Variants in PCDH15 observed in about 807,000 individuals in gnomAD.
The protein encoded by PCDH15 is protocadherin-15.
Under a neutral mutation model 178.5 loss-of-function variants are expected in PCDH15, and 129 were observed. That is an observed-to-expected ratio of 0.72 (90% CI 0.63 to 0.84). The LOEUF (loss-of-function observed/expected upper bound fraction) is 0.84, where lower values mean the gene tolerates loss of function less well. PCDH15 is among the 40% of genes least tolerant of loss of function. PCDH15 has a pLI of 0.00. For missense variants in PCDH15, 2,230 were observed against 2,099.9 expected (o/e 1.06, Z -1.21); for synonymous variants, 800 against 732.0 (o/e 1.09, Z -1.50).
At chr10:54,216,751 A>C (rs1394510192) in intron 9 of PCDH15, among the ~76,000 whole-genome samples, 1 of 152,170 alleles carries the variant, frequency 6.6e-6, no homozygotes, top group Non-Finnish European at 1.5e-5. Context: ...CTACCAAAAT[A>C]ATATTAATGT....
intron 2 of PCDH15, among the ~76,000 whole-genome samples, chr10:54,547,652 C>T (rs1338983848): frequency 2.6e-5 from 4 of 152,028 alleles, no homozygotes; most frequent in African/African-American, 9.7e-5. Context: ...CATTATATAA[C>T]TGGATCACAC....
At chr10:54,713,642 A>G (rs2095447882) in intron 1 of PCDH15, among the ~76,000 whole-genome samples, 1 of 152,112 alleles carries the variant, frequency 6.6e-6, no homozygotes, top group South Asian at 2.1e-4. Context: ...ATATGTCTAA[A>G]ATCTTCATGA....
intron 2 of PCDH15, among the ~76,000 whole-genome samples, chr10:54,530,884 AGT>A (rs1281234440): frequency 6.6e-6 from 1 of 152,216 alleles, no homozygotes; most frequent in Non-Finnish European, 1.5e-5. Context: ...TTCATAACAA[AGT>A]GTTTGTTTTT....
intron 2 of PCDH15, among the ~76,000 whole-genome samples, chr10:54,604,103 A>G (rs1442500826): frequency 6.6e-6 from 1 of 151,898 alleles, no homozygotes; most frequent in East Asian, 1.9e-4. Context: ...TTTCTTTACC[A>G]TTAACTGATT....
chr10:54,183,964 A>C (rs2048250293), intron 12 of PCDH15, among the ~76,000 whole-genome samples: 1 of 152,180 alleles, frequency 6.6e-6, no homozygotes, highest in African/African-American at 2.4e-5. Flanking sequence ...TTTTGTATAC[A>C]ATAGTTCCTT....
chr10:55,007,348 A>G (rs1839955459), intron 2 of PCDH15, among the ~76,000 whole-genome samples: 1 of 151,190 alleles, frequency 6.6e-6, no homozygotes, highest in African/African-American at 2.4e-5. Flanking sequence ...TCAAAGAGAA[A>G]ACATACTTTC....
chr10:55,190,915 C>T (rs1343143192), intron 1 of PCDH15, among the ~76,000 whole-genome samples: 1 of 151,290 alleles, frequency 6.6e-6, no homozygotes, highest in Non-Finnish European at 1.5e-5. Flanking sequence ...TTTTTTTTGA[C>T]ATTAACAGAA....
chr10:54,109,573 A>T (rs1717883683), intron 15 of PCDH15, among the ~76,000 whole-genome samples: 1 of 152,210 alleles, frequency 6.6e-6, no homozygotes, highest in African/African-American at 2.4e-5. Flanking sequence ...AAATTAAGGG[A>T]AATAAGCCAG....
At chr10:55,434,080 T>TTTC (rs1589023698) in intron 2 of PCDH15, among the ~76,000 whole-genome samples, 7 of 125,866 alleles carry the variant, frequency 5.6e-5, no homozygotes, top group African/African-American at 1.0e-4. Context: ...TTCTTTTCTT[T>TTTC]TTTTTTTTTT....
At chr10:54,260,217 G>A (rs911252773) in intron 8 of PCDH15, among the ~76,000 whole-genome samples, 4 of 152,010 alleles carry the variant, frequency 2.6e-5, no homozygotes, top group Non-Finnish European at 5.9e-5. Flanking sequence ...TTTGTCACGA[G>A]TTTTATTAGA....
chr10:54,204,561 C>T lies in PCDH15; in HGVS notation c.1099-8672G>A, dbSNP rs192203279. ...GAAAATTCATCAAGATATACACTTT[C>T]CTGTATGTCAGCAGCATGTCAGCAT... On this transcript the variant is annotated intron_variant, in intron 10 of 37. Transcript: ENST00000644397. 3.9e-5 allele frequency among the ~76,000 whole-genome samples: 6 copies of T among 152,028 alleles called. No homozygotes were observed. The East Asian group carries it at 1.2e-3, about 29-fold the overall frequency.
chr10:54,267,138 T>C (rs1024176481), intron 8 of PCDH15, among the ~76,000 whole-genome samples: 2 of 151,806 alleles, frequency 1.3e-5, no homozygotes, highest in Non-Finnish European at 2.9e-5. Flanking sequence ...GCAAATCAAT[T>C]AATGTGATTT....
intron 1 of PCDH15, among the ~76,000 whole-genome samples, chr10:55,299,982 G>C (rs927039788): frequency 6.6e-6 from 1 of 152,088 alleles, no homozygotes. Flanking sequence ...TATTTTCTAA[G>C]AATATTCTAA....
intron 6 of PCDH15, among the ~76,000 whole-genome samples, chr10:54,344,904 C>CCAAAA (rs58908008): frequency 2.9e-4 from 23 of 78,880 alleles, no homozygotes; most frequent in Middle Eastern, 8.3e-3. Context: ...AGAAACAAAG[C>CCAAAA]AAAAAAAAAA....
chr10:54,063,759 C>T (rs1248413843), intron 18 of PCDH15, among the ~76,000 whole-genome samples: 1 of 152,182 alleles, frequency 6.6e-6, no homozygotes, highest in Non-Finnish European at 1.5e-5. Flanking sequence ...AGTGCAGGGT[C>T]TTGTCACTGT....
chr10:53,887,902 T>C, intron 26 of PCDH15, among the ~76,000 whole-genome samples: 1 of 150,468 alleles, frequency 6.6e-6, no homozygotes, highest in East Asian at 2.0e-4. Flanking sequence ...AAAATAAAAA[T>C]AAAAAACAAA....
At chr10:54,847,964 G>A (rs914493414) in intron 3 of PCDH15, among the ~76,000 whole-genome samples, 2 of 152,166 alleles carry the variant, frequency 1.3e-5, no homozygotes, top group African/African-American at 4.8e-5. Context: ...TGTTATGAAT[G>A]TTCCCTCCAA....
At chr10:55,200,822 C>T (rs1303289607) in intron 1 of PCDH15, among the ~76,000 whole-genome samples, 1 of 151,986 alleles carries the variant, frequency 6.6e-6, no homozygotes, top group Admixed American at 6.6e-5. Flanking sequence ...ACTCTCTCTC[C>T]TGCCTCACCA....
chr10:54,221,603 T>C (rs868325459), intron 9 of PCDH15, among the ~76,000 whole-genome samples: 17 of 150,196 alleles, frequency 1.1e-4, no homozygotes, highest in Non-Finnish European at 7.4e-5. Flanking sequence ...ATGTATTCTT[T>C]TTTTTTTTTT....
Sources: allele counts gnomAD v4.1 joint callset (sites outside exome capture counted in the v4.1 genomes callset), GRCh38; gene constraint gnomAD v4.1.1; transcripts MANE v1.5; gene names NCBI Gene and HGNC (gene_info 2026-07-23, HGNC 2026-07-21).